ZSWIM6: variants seen among roughly 807,000 people sequenced by gnomAD.
ZSWIM6 encodes zinc finger SWIM-type containing 6, also known as zinc finger SWIM domain-containing protein 6.
ZSWIM6 carries 9 observed loss-of-function variants against 113.2 expected under a neutral mutation model. The ratio of observed to expected loss-of-function variants is 0.08; its 90% CI spans 0.05 to 0.14. The LOEUF (loss-of-function observed/expected upper bound fraction) is 0.14, where lower values mean the gene tolerates loss of function less well. Ranked by LOEUF, ZSWIM6 falls within the 10% of genes least tolerant of loss-of-function variation. The pLI, the probability that ZSWIM6 is intolerant of heterozygous loss-of-function variation, is 1.00. For synonymous variants in ZSWIM6, 611 were observed against 606.5 expected, an observed-to-expected ratio of 1.01 and a Z score of -0.11; for missense variants, 1,162 against 1,552.2, an observed-to-expected ratio of 0.75 and a Z score of 4.22.
intron 1 of ZSWIM6, among the ~76,000 whole-genome samples, chr5:61,381,597 T>C (rs1745477307): frequency 6.6e-6 from 1 of 152,188 alleles, no homozygotes; most frequent in Non-Finnish European, 1.5e-5. Context: ...CAGTTGTCCA[T>C]AGTTTTTTTT....
chr5:61,370,677 T>C (rs1278518436), intron 1 of ZSWIM6, among the ~76,000 whole-genome samples: 1 of 152,216 alleles, frequency 6.6e-6, no homozygotes, highest in Admixed American at 6.5e-5. Flanking sequence ...GCCTTTAATA[T>C]AGACTTCCAG....
At chr5:61,536,555 T>A (rs532452608) in intron 10 of ZSWIM6, among the ~76,000 whole-genome samples, 3 of 152,238 alleles carry the variant, frequency 2.0e-5, no homozygotes, top group Non-Finnish European at 4.4e-5. Context: ...TCAAGAAGCT[T>A]TTCATCAAAG....
At chr5:61,492,537 T>C (rs1748207873) in intron 3 of ZSWIM6, among the ~76,000 whole-genome samples, 1 of 152,120 alleles carries the variant, frequency 6.6e-6, no homozygotes, top group Non-Finnish European at 1.5e-5. Flanking sequence ...TCTGGCCTAT[T>C]TTACATGGTT....
In ZSWIM6 at chr5:61,539,266, T is replaced by C. The variant is rs146701173; in HGVS notation, c.2539+295T>C. Among the ~76,000 whole-genome samples, 292 of 152,296 alleles carry C rather than the reference T, an allele frequency of 1.9e-3. 3 individuals carry two copies. Among genetic ancestry groups the C allele is most frequent in the Non-Finnish European group, 3.5e-3 (241 of 68,020 alleles). ...GTTACATTTTTTTCTTCCTGAAATATTCACCAAAAATACATAAGTAGGAAC... is the reference window on the plus strand; with the variant it reads ...GTTACATTTTTTTCTTCCTGAAATACTCACCAAAAATACATAAGTAGGAAC... On this transcript the variant is annotated intron_variant, in intron 11 of 13. Coordinates refer to ENST00000252744, the MANE Select transcript of ZSWIM6 (RefSeq NM_020928.2).
chr5:61,332,360 G>T lies in ZSWIM6; in HGVS notation c.88G>T (p.Gly30Cys). The part of the protein sequence containing the change: ...GGGGGGGSSG[G>C]GGGAGGGYSS... ...CGGCGGCGGCGGGGGCAGCAGCGGCGGCGGCGGCGGCGCGGGTGGCGGCTA... is the reference window on the plus strand; with the variant it reads ...CGGCGGCGGCGGGGGCAGCAGCGGCTGCGGCGGCGGCGCGGGTGGCGGCTA... The change falls in exon 1 of 14, where the codon GGC becomes TGC. Residue 30 changes from glycine to cysteine, a missense_variant. This residue lies in a region of ZSWIM6 where 333 missense variants were observed against 293.4 expected (regional missense o/e 1.13). Transcript: ENST00000252744. The T allele has an allele frequency of 7.1e-6, 7 of 982,000 alleles. No homozygotes were observed. The highest frequency in any genetic ancestry group is 8.6e-6 in the Non-Finnish European group (7 of 818,084). 60.8% of individuals were successfully genotyped at this position (982,000 alleles called of 1,614,324 possible).
intron 5 of ZSWIM6, among the ~76,000 whole-genome samples, chr5:61,522,172 T>G (rs1389114291): frequency 1.3e-5 from 2 of 151,980 alleles, no homozygotes; most frequent in Non-Finnish European, 2.9e-5. Flanking sequence ...TCTCCCATCT[T>G]TAAAAAACTT....
At chr5:61,336,065 C>T (rs1281657218) in intron 1 of ZSWIM6, among the ~76,000 whole-genome samples, 11 of 151,558 alleles carry the variant, frequency 7.3e-5, no homozygotes, top group Admixed American at 7.2e-4. Context: ...AAGTTCTAGA[C>T]CAGACTGGGC....
intron 9 of ZSWIM6, among the ~76,000 whole-genome samples, chr5:61,533,380 T>G (rs990174410): frequency 6.6e-6 from 1 of 152,210 alleles, no homozygotes; most frequent in African/African-American, 2.4e-5. Context: ...GGCCCAGATA[T>G]CTGGAAAGAG....
chr5:61,526,385 C>T lies in ZSWIM6; in HGVS notation c.1826C>T (p.Thr609Ile), dbSNP rs1157434799. 1 of 1,549,394 alleles carries T rather than the reference C, an allele frequency of 6.5e-7. No homozygotes were observed. Among genetic ancestry groups the T allele is most frequent in the African/African-American group, 1.4e-5 (1 of 72,678 alleles). ...QQQKQLEMFR[T>I]QKKELPHKNI... ...CAGAAACAGTTGGAAATGTTCCGAA[C>T]CCAAAAAAAAGGTGAATGTGAAGGA... The change falls in exon 7 of 14, where the codon ACC becomes ATC. Residue 609 changes from threonine (T) to isoleucine (I), a missense_variant. By Grantham distance (89) the Thr-to-Ile change is moderately conservative. Around this residue, in one of 4 missense-constraint regions of ZSWIM6, gnomAD observed 620 missense variants for 804.6 expected, o/e 0.77. Coordinates refer to ENST00000252744, the MANE Select transcript of ZSWIM6 (RefSeq NM_020928.2).
At chr5:61,494,860 C>A (rs1015421744) in intron 4 of ZSWIM6, among the ~76,000 whole-genome samples, 1 of 151,980 alleles carries the variant, frequency 6.6e-6, no homozygotes, top group Non-Finnish European at 1.5e-5. Context: ...AATGAACTGT[C>A]GATCCTCAGA....
chr5:61,437,533 C>T (rs370729107), intron 1 of ZSWIM6, among the ~76,000 whole-genome samples: 72 of 151,828 alleles, frequency 4.7e-4, no homozygotes, highest in African/African-American at 1.4e-3. Flanking sequence ...GACCAGCCTG[C>T]GCAACATGGC....
intron 4 of ZSWIM6, among the ~76,000 whole-genome samples, chr5:61,502,422 G>A (rs1018502736): frequency 6.6e-6 from 1 of 152,168 alleles, no homozygotes; most frequent in Non-Finnish European, 1.5e-5. Context: ...GAGCCCCTAG[G>A]TTTGGGGTCA....
chr5:61,477,807 G>C (rs1747743380), intron 2 of ZSWIM6, among the ~76,000 whole-genome samples: 1 of 152,168 alleles, frequency 6.6e-6, no homozygotes, highest in Non-Finnish European at 1.5e-5. Flanking sequence ...GCTTCTCTAA[G>C]CACAATACTT....
rs1261631103 is a variant in ZSWIM6 at position 61,545,003 on chromosome 5, A to G, written c.*686A>G. 1 of 152,028 alleles carries G rather than the reference A, an allele frequency of 6.6e-6. No individual in the cohort carries two copies. Among genetic ancestry groups the G allele is most frequent in the East Asian group, 1.9e-4 (1 of 5,204 alleles). 9.4% of individuals were successfully genotyped at this position (152,028 alleles called of 1,614,324 possible). A position where few individuals can be genotyped will look rare whatever the true frequency, so the allele number is the denominator to read the frequency against. ...TATATGTCTGAATATTGAAAATATA[A>G]CATTAACTAATTTATAAAAAATATT... On this transcript the variant is annotated 3_prime_UTR_variant, in exon 14 of 14. Transcript: ENST00000252744.
chr5:61,402,186 G>A (rs1361130472), intron 1 of ZSWIM6, among the ~76,000 whole-genome samples: 1 of 152,142 alleles, frequency 6.6e-6, no homozygotes, highest in African/African-American at 2.4e-5. Flanking sequence ...ATGCCTTTTA[G>A]TGTAAAGTAT....
chr5:61,518,327 T>C (rs1442166067), intron 4 of ZSWIM6, among the ~76,000 whole-genome samples: 1 of 151,762 alleles, frequency 6.6e-6, no homozygotes, highest in Admixed American at 6.6e-5. Flanking sequence ...CTGGGTCAAA[T>C]GGTATTTCTA....
intron 4 of ZSWIM6, among the ~76,000 whole-genome samples, chr5:61,510,316 A>G (rs1306426686): frequency 6.6e-6 from 1 of 152,006 alleles, no homozygotes; most frequent in Admixed American, 6.6e-5. Context: ...TTTGCCGAGT[A>G]TGGGTTCTTG....
At chr5:61,453,351 A>T (rs1450404172) in intron 1 of ZSWIM6, among the ~76,000 whole-genome samples, 1 of 151,344 alleles carries the variant, frequency 6.6e-6, no homozygotes, top group African/African-American at 2.4e-5. Context: ...TTTTGTGGTG[A>T]GAACACTTTA....
intron 1 of ZSWIM6, among the ~76,000 whole-genome samples, chr5:61,368,616 C>T (rs1175064066): frequency 6.6e-6 from 1 of 152,148 alleles, no homozygotes; most frequent in African/African-American, 2.4e-5. Context: ...TTTAAATTAT[C>T]AGTTTGCCTT....
Sources: gnomAD v4.1 joint callset for allele counts (sites outside exome capture counted in the v4.1 genomes callset) on GRCh38, gnomAD v4.1.1 for gene constraint, gnomAD v4.1.1 regional missense constraint, MANE v1.5 for transcripts, NCBI Gene and HGNC (gene_info 2026-07-23, HGNC 2026-07-21) for gene names.